The following MYO1H variants were observed in gnomAD, a reference collection of about 807,000 sequenced individuals.
The protein encoded by MYO1H is myosin IH, also known as unconventional myosin-Ih.
Under a neutral mutation model 149.3 loss-of-function variants are expected in MYO1H, and 118 were observed. The ratio of observed to expected loss-of-function variants is 0.79; its 90% CI spans 0.68 to 0.92. MYO1H has a LOEUF of 0.92. Among genes scored for constraint, MYO1H ranks in the 40% least tolerant of loss-of-function variants. The probability of loss-of-function intolerance (pLI) is 0.00; values close to 1 mark genes in which losing one functional copy is unlikely to be tolerated. For synonymous variants in MYO1H, 447 were observed against 465.2 expected (o/e 0.96, Z 0.50); for missense variants, 1,212 against 1,280.7 (o/e 0.95, Z 0.82).
At chr12:109,329,862 AG>A in the MYO1H span, among the ~76,000 whole-genome samples, 1 of 152,200 alleles carries the variant, frequency 6.6e-6, no homozygotes, top group African/African-American at 2.4e-5. Flanking sequence ...ATTTGTTCCT[AG>A]AATTCCACGT....
rs61936482 is a variant in MYO1H at position 109,360,144 on chromosome 12, T to A, written c.12+12172T>A. Among the ~76,000 whole-genome samples the A allele has an allele frequency of 9.8e-3, 1,481 of 151,732 alleles. 15 individuals are homozygous for A. The highest frequency in any genetic ancestry group is 0.016 in the Non-Finnish European group (1,062 of 67,924). On this transcript the variant is annotated intron_variant, in intron 1 of 31. Transcript: ENST00000310903. The stretch of plus-strand genomic sequence containing the variant: ...TTTTTTTTTTTATTTCCTGGATGTA[T>A]GTGGATAAATATGAGACTGCAGGGA...
chr12:109,420,141 T>G (rs1442615794), intron 15 of MYO1H, among the ~76,000 whole-genome samples: 2 of 152,146 alleles, frequency 1.3e-5, no homozygotes, highest in African/African-American at 4.8e-5. Context: ...GTATATTCAG[T>G]GTATTTGTGT....
intron 20 of MYO1H, among the ~76,000 whole-genome samples, chr12:109,433,214 T>A (rs1300805234): frequency 3.9e-5 from 6 of 152,108 alleles, no homozygotes; most frequent in Admixed American, 3.9e-4. Flanking sequence ...GGAAATGAAG[T>A]TATAAAGGAA....
At chr12:109,345,129 T>G (rs2048098730), upstream of MYO1H, among the ~76,000 whole-genome samples, 1 of 152,202 alleles carries the variant, frequency 6.6e-6, no homozygotes, top group Non-Finnish European at 1.5e-5. Flanking sequence ...TTAAGTCTTT[T>G]GTGTTTCAAA....
chr12:109,329,724 G>A, the MYO1H span, among the ~76,000 whole-genome samples: 1 of 152,162 alleles, frequency 6.6e-6, no homozygotes, highest in Non-Finnish European at 1.5e-5. Context: ...CTGCCAGTGT[G>A]TGTTCTTACC....
rs1868493393 is a variant in MYO1H at position 109,352,851 on chromosome 12, T to C, written c.12+4879T>C. On this transcript the variant is annotated intron_variant, in intron 1 of 31. Transcript: ENST00000310903. ...GTGTTTTTTCTTTCGAGGTAAATAGTATATACAATCTAAAGCACTAACCTT... is the reference window on the plus strand; with the variant it reads ...GTGTTTTTTCTTTCGAGGTAAATAGCATATACAATCTAAAGCACTAACCTT... 5.9e-5 allele frequency among the ~76,000 whole-genome samples: 9 copies of C among 152,254 alleles called. No homozygotes were observed. The South Asian group carries it at 1.9e-3, about 32-fold the overall frequency.
At chr12:109,347,794 T>G (rs1021546187), upstream of MYO1H, 3 of 394,086 alleles carry the variant, frequency 7.6e-6, no homozygotes, top group African/African-American at 6.2e-5. Context: ...AGATGCAGTT[T>G]CTGCCTCCCA....
chr12:109,377,741 A>G (rs1869113154), intron 1 of MYO1H, among the ~76,000 whole-genome samples: 1 of 152,232 alleles, frequency 6.6e-6, no homozygotes, highest in Admixed American at 6.5e-5. Flanking sequence ...CTTTATTGTG[A>G]AATGTTTTAA....
chr12:109,440,037 C>CTT lies in MYO1H; in HGVS notation c.2454+261_2454+262dup, dbSNP rs36004400. ...CACTGGAGGTTGTTTAAACAGAGCA[C>CTT]TTTTTTTTTTTTTTTGAGATGGAGT... On this transcript the variant is annotated intron_variant, in intron 24 of 31. Coordinates refer to ENST00000310903, the Ensembl canonical transcript of MYO1H. Among the ~76,000 whole-genome samples, 164 of 143,170 alleles carry CTT rather than the reference C, an allele frequency of 1.1e-3. 3 individuals are homozygous for CTT. Among genetic ancestry groups the CTT allele is most frequent in the African/African-American group, 3.9e-3 (154 of 39,140 alleles). The allele number at this position is 143,170 out of a possible 152,430, so 93.9% of individuals were successfully genotyped here. A position where few individuals can be genotyped will look rare whatever the true frequency, so the allele number is the denominator to read the frequency against.
intron 19 of MYO1H, among the ~76,000 whole-genome samples, chr12:109,429,363 C>T (rs888909381): frequency 6.6e-6 from 1 of 152,166 alleles, no homozygotes; most frequent in African/African-American, 2.4e-5. Context: ...TGGCCCTCCA[C>T]ACCCGCGGGT....
chr12:109,353,393 C>A (rs77031060), intron 1 of MYO1H, among the ~76,000 whole-genome samples: 10 of 79,282 alleles, frequency 1.3e-4, no homozygotes, highest in East Asian at 3.9e-4. Context: ...GACTCCGTCT[C>A]AAAAAAAAAA....
chr12:109,442,239 A>C, exon 27 of MYO1H: 2 of 1,613,924 alleles, frequency 1.2e-6, no homozygotes, highest in South Asian at 2.2e-5. Context: ...TTAATCCGAA[A>C]GTGCTTCAGC....
At position 109,385,880 on chromosome 12, in the gene MYO1H, G is replaced by A. The variant is rs528893613; in HGVS notation, c.13-2803G>A. On this transcript the variant is annotated intron_variant, in intron 1 of 31. Coordinates refer to ENST00000310903, the Ensembl canonical transcript of MYO1H. ...ACCTCTTCCCCACTTATTTTTTACG[G>A]TTGTTTTTCAAAAATAAAATTTACA... Among the ~76,000 whole-genome samples, 4 of 152,000 alleles carry A rather than the reference G, an allele frequency of 2.6e-5. No individual in the cohort carries two copies. In the South Asian group the frequency reaches 8.3e-4, roughly 32 times the overall value.
intron 27 of MYO1H, among the ~76,000 whole-genome samples, chr12:109,442,792 G>A (rs1300908737): frequency 1.1e-5 from 1 of 93,522 alleles, no homozygotes; most frequent in East Asian, 3.6e-4. Flanking sequence ...GCCAGTGTCT[G>A]CTCTTTTTTT....
chr12:109,407,730 T>G, intron 9 of MYO1H, 64 bp from the exon 10 acceptor site: 3 of 1,532,366 alleles, frequency 2.0e-6, no homozygotes, highest in Non-Finnish European at 8.8e-7. Context: ...AAAAAAGACT[T>G]CTTTGAACAC....
chr12:109,415,477 AAAAAG>A (rs776082573), intron 14 of MYO1H, 44 bp from the exon 15 acceptor site: 156 of 1,531,626 alleles, frequency 1.0e-4, no homozygotes, highest in Admixed American at 9.3e-4. Context: ...CGCCATCTCA[AAAAAG>A]AAAAGAAAAG....
At chr12:109,426,013 A>G in exon 18 of MYO1H, 1 of 1,613,886 alleles carries the variant, frequency 6.2e-7, no homozygotes, top group Non-Finnish European at 8.5e-7. Context: ...GAGCCCTCCT[A>G]CATCCGTTGC....
chr12:109,424,851 C>G, intron 17 of MYO1H, 23 bp downstream of exon 17: 7 of 1,601,306 alleles, frequency 4.4e-6, no homozygotes, highest in Non-Finnish European at 6.0e-6. Context: ...AACACCCATG[C>G]AAAATTGGAT....
At chr12:109,341,587 G>A in the MYO1H span, among the ~76,000 whole-genome samples, 3 of 149,510 alleles carry the variant, frequency 2.0e-5, no homozygotes, top group African/African-American at 7.5e-5. Flanking sequence ...AGAGGAGGAT[G>A]ACTTCAGGTT....
Sources: allele counts gnomAD v4.1 joint callset (sites outside exome capture counted in the v4.1 genomes callset), GRCh38; gene constraint gnomAD v4.1.1; transcripts MANE v1.5; gene names NCBI Gene and HGNC (gene_info 2026-07-23, HGNC 2026-07-21).